Variants in TSPAN11 observed in about 807,000 individuals in gnomAD.
TSPAN11 encodes tetraspanin-11.
In TSPAN11, 29 loss-of-function variants were observed where a neutral mutation model predicts 32.9. The ratio of observed to expected loss-of-function variants is 0.88; its 90% CI spans 0.66 to 1.20. The LOEUF (loss-of-function observed/expected upper bound fraction) is 1.20, where lower values mean the gene tolerates loss of function less well. Ranked by LOEUF, TSPAN11 falls within the 50% of genes most tolerant of loss-of-function variation. The pLI, the probability that TSPAN11 is intolerant of heterozygous loss-of-function variation, is 0.00. For synonymous variants in TSPAN11, 140 were observed against 141.3 expected, an observed-to-expected ratio of 0.99 and a Z score of 0.07; for missense variants, 283 against 329.1, an observed-to-expected ratio of 0.86 and a Z score of 1.08.
chr12:30,983,978 A>G (rs1592495581), intron 7 of TSPAN11, among the ~76,000 whole-genome samples: 1 of 151,958 alleles, frequency 6.6e-6, no homozygotes, highest in East Asian at 1.9e-4. Flanking sequence ...TTTAGCTCCC[A>G]TTTCTCCCTG....
At chr12:30,939,967 T>C (rs1190736357) in intron 1 of TSPAN11, among the ~76,000 whole-genome samples, 1 of 152,172 alleles carries the variant, frequency 6.6e-6, no homozygotes, top group African/African-American at 2.4e-5. Flanking sequence ...GAGGCTGAAA[T>C]TGGAAAACGA....
At chr12:31,002,731 C>T in the TSPAN11 span, among the ~76,000 whole-genome samples, 17 of 152,284 alleles carry the variant, frequency 1.1e-4, no homozygotes, top group Admixed American at 5.9e-4. The surrounding 1 kb of genome is among the most constrained non-coding windows in gnomAD (Gnocchi z 4.8). Flanking sequence ...ATATAGGGGC[C>T]AGAGAGGAAG....
intron 2 of TSPAN11, among the ~76,000 whole-genome samples, chr12:30,959,304 A>G (rs1221899555): frequency 1.3e-5 from 2 of 152,170 alleles, no homozygotes; most frequent in African/African-American, 4.8e-5. Flanking sequence ...CCCAGGACAG[A>G]GCAGGTGCCA....
intron 1 of TSPAN11, among the ~76,000 whole-genome samples, chr12:30,947,494 A>G (rs1592467722): frequency 1.3e-5 from 2 of 152,202 alleles, no homozygotes; most frequent in Non-Finnish European, 2.9e-5. Context: ...ACAGTTCCAC[A>G]TGGCTGAGGA....
chr12:30,942,198 T>G (rs1004409544), intron 1 of TSPAN11, among the ~76,000 whole-genome samples: 5 of 152,180 alleles, frequency 3.3e-5, no homozygotes, highest in Non-Finnish European at 7.3e-5. Flanking sequence ...GTCTAATCAT[T>G]CCTTTACCCT....
intron 3 of TSPAN11, among the ~76,000 whole-genome samples, chr12:30,970,640 G>C (rs1232001459): frequency 6.6e-6 from 1 of 152,088 alleles, no homozygotes; most frequent in African/African-American, 2.4e-5. Flanking sequence ...TCAGACATTG[G>C]CCAGAGCACA....
At chr12:30,987,478 G>A (rs775463543) in intron 7 of TSPAN11, among the ~76,000 whole-genome samples, 4 of 152,108 alleles carry the variant, frequency 2.6e-5, no homozygotes, top group Admixed American at 1.3e-4. Context: ...ATGGAGGCGC[G>A]CGCCTGTAAT....
At chr12:30,957,179 G>A (rs1226760616) in intron 2 of TSPAN11, among the ~76,000 whole-genome samples, 1 of 151,738 alleles carries the variant, frequency 6.6e-6, no homozygotes, top group East Asian at 1.9e-4. Flanking sequence ...GAAAGAACAG[G>A]TGATGGCTTT....
intron 1 of TSPAN11, among the ~76,000 whole-genome samples, chr12:30,943,108 G>T (rs1043616864): frequency 2.6e-5 from 4 of 152,182 alleles, no homozygotes; most frequent in African/African-American, 9.7e-5. Context: ...GGCCGTCATG[G>T]CACTGCTGAC....
At chr12:30,941,882 T>C (rs538166098) in intron 1 of TSPAN11, among the ~76,000 whole-genome samples, 1 of 152,274 alleles carries the variant, frequency 6.6e-6, no homozygotes, top group Non-Finnish European at 1.5e-5. Flanking sequence ...CTTCTCTCAC[T>C]CTACGGCACT....
At chr12:31,012,672 C>T in the TSPAN11 span, 1 of 152,232 alleles carries the variant, frequency 6.6e-6, no homozygotes. Context: ...CCAGGAGCTA[C>T]TCCTCACCTC....
chr12:31,011,602 G>A, the TSPAN11 span, among the ~76,000 whole-genome samples: 2 of 152,056 alleles, frequency 1.3e-5, no homozygotes, highest in African/African-American at 2.4e-5. Context: ...CCATCACAGC[G>A]CATGCCAGCC....
intron 7 of TSPAN11, among the ~76,000 whole-genome samples, chr12:30,986,424 G>A (rs900074289): frequency 2.0e-5 from 3 of 152,176 alleles, no homozygotes; most frequent in Non-Finnish European, 4.4e-5. Context: ...GAAATATCAC[G>A]TAGGAGCCCA....
intron 1 of TSPAN11, among the ~76,000 whole-genome samples, chr12:30,953,578 A>G (rs1938423527): frequency 6.6e-6 from 1 of 152,174 alleles, no homozygotes; most frequent in African/African-American, 2.4e-5. Context: ...TCCTGTTCAA[A>G]TGATGCAGAG....
chr12:30,980,282 C>A (rs567027408), intron 5 of TSPAN11, among the ~76,000 whole-genome samples: 1 of 152,328 alleles, frequency 6.6e-6, no homozygotes. Flanking sequence ...CTGTCCTGTT[C>A]AATACGGTAG....
At chr12:30,950,004 T>C (rs1938349429) in intron 1 of TSPAN11, among the ~76,000 whole-genome samples, 1 of 152,070 alleles carries the variant, frequency 6.6e-6, no homozygotes, top group African/African-American at 2.4e-5. Flanking sequence ...GGCTCCTCCT[T>C]AGAATCTTTC....
chr12:30,927,156 A>G (rs1022526727), intron 1 of TSPAN11: 1 of 443,494 alleles, frequency 2.3e-6, no homozygotes. Context: ...CCTCTTGAAA[A>G]TGTCATTCTT....
the TSPAN11 span, among the ~76,000 whole-genome samples, chr12:31,008,831 TG>T: frequency 7.1e-3 from 1,089 of 152,308 alleles, 17 homozygotes; most frequent in African/African-American, 0.025. Context: ...AAAGCAAGAC[TG>T]GGTTCCCACC....
intron 3 of TSPAN11, among the ~76,000 whole-genome samples, chr12:30,970,333 T>C (rs541477157): frequency 2.0e-5 from 3 of 152,228 alleles, no homozygotes; most frequent in East Asian, 3.9e-4. Context: ...AGTCCCAGCT[T>C]GAATCCTAGT....
Sources: allele counts gnomAD v4.1 joint callset (sites outside exome capture counted in the v4.1 genomes callset), GRCh38; gene constraint gnomAD v4.1.1; non-coding constraint Gnocchi (gnomAD v3.1); transcripts MANE v1.5; gene names NCBI Gene and HGNC (gene_info 2026-07-23, HGNC 2026-07-21).